The following TMEM38B variants were observed in gnomAD, a reference collection of about 807,000 sequenced individuals.
The protein encoded by TMEM38B is transmembrane protein 38B.
In TMEM38B, 24 loss-of-function variants were observed where a neutral mutation model predicts 28.7. The observed-to-expected ratio is 0.84, with a 90% CI of 0.61 to 1.18. The LOEUF (loss-of-function observed/expected upper bound fraction) is 1.18, where lower values mean the gene tolerates loss of function less well. TMEM38B is among the 50% of genes most tolerant of loss of function. The pLI is 0.00. For missense variants in TMEM38B, 380 were observed against 350.9 expected (o/e 1.08, Z -0.66); for synonymous variants, 131 against 127.7 (o/e 1.03, Z -0.17).
At chr9:105,768,509 A>G (rs542991468) in intron 5 of TMEM38B, among the ~76,000 whole-genome samples, 8 of 152,208 alleles carry the variant, frequency 5.3e-5, no homozygotes, top group South Asian at 2.1e-4. Flanking sequence ...TAAATGTTTG[A>G]TAGATTCACT....
Position 105,695,323 on chromosome 9 carries a change from T to C in TMEM38B, c.112+551T>C, listed in dbSNP as rs181805546. ...TGTACAAGCACTGAAACAAAAAGCC[T>C]CCTGTAGCCAGACCAGGATTCCCCT... On this transcript the variant is annotated intron_variant, in intron 1 of 5. Coordinates refer to ENST00000374692, the MANE Select transcript of TMEM38B (RefSeq NM_018112.3). 5.6e-3 allele frequency among the ~76,000 whole-genome samples: 846 copies of C among 152,274 alleles called. 6 individuals carry two copies. The highest frequency in any genetic ancestry group is 0.014 in the Middle Eastern group (4 of 294).
At chr9:105,694,840 G>A in intron 1 of TMEM38B, 68 bp downstream of exon 1, 1 of 710,510 alleles carries the variant, frequency 1.4e-6, no homozygotes, top group Non-Finnish European at 2.3e-6. Flanking sequence ...TCTAAGTCGG[G>A]TGGGTCGGGT....
At chr9:105,759,682 T>C in intron 5 of TMEM38B, 1 of 1,598,944 alleles carries the variant, frequency 6.3e-7, no homozygotes, top group Non-Finnish European at 8.5e-7. Flanking sequence ...TACTAAACTG[T>C]TTTTAGAGTC....
chr9:105,750,046 A>G (rs1280591944), intron 5 of TMEM38B, among the ~76,000 whole-genome samples: 1 of 152,168 alleles, frequency 6.6e-6, no homozygotes, highest in Non-Finnish European at 1.5e-5. Flanking sequence ...CTTTTTTATT[A>G]TAGCCACCCT....
chr9:105,729,063 G>C (rs1376938287), intron 4 of TMEM38B, among the ~76,000 whole-genome samples: 1 of 152,172 alleles, frequency 6.6e-6, no homozygotes. Flanking sequence ...TGCTTTTGCT[G>C]TGCAGAAGCT....
intron 4 of TMEM38B, among the ~76,000 whole-genome samples, chr9:105,724,165 C>G (rs569166950): frequency 3.3e-5 from 5 of 152,128 alleles, no homozygotes; most frequent in African/African-American, 1.2e-4. Context: ...GTCACAGATA[C>G]GTTTCTCATG....
intron 4 of TMEM38B, among the ~76,000 whole-genome samples, chr9:105,731,721 G>A (rs1340856212): frequency 6.6e-6 from 1 of 152,110 alleles, no homozygotes; most frequent in African/African-American, 2.4e-5. Flanking sequence ...GGATATTTGG[G>A]TTGGTTCCAA....
At chr9:105,731,826 A>T (rs1409169606) in intron 4 of TMEM38B, among the ~76,000 whole-genome samples, 1 of 152,174 alleles carries the variant, frequency 6.6e-6, no homozygotes, top group Non-Finnish European at 1.5e-5. Flanking sequence ...ATACCCAGTA[A>T]TGGGATCGCT....
At chr9:105,735,656 A>G (rs1448997784) in intron 4 of TMEM38B, among the ~76,000 whole-genome samples, 1 of 152,182 alleles carries the variant, frequency 6.6e-6, no homozygotes, top group South Asian at 2.1e-4. Context: ...TCAACTAATG[A>G]TATAATGGAG....
At chr9:105,710,281 A>G (rs1392804272) in intron 2 of TMEM38B, 2 of 636,292 alleles carry the variant, frequency 3.1e-6, no homozygotes, top group Non-Finnish European at 5.8e-6. Flanking sequence ...TATTCCAGCT[A>G]CAGTTTGGTC....
At chr9:105,765,685 G>GT (rs1242385723) in intron 5 of TMEM38B, among the ~76,000 whole-genome samples, 4 of 152,136 alleles carry the variant, frequency 2.6e-5, no homozygotes, top group Non-Finnish European at 1.5e-5. Context: ...CCAGTTATCT[G>GT]TTGATGGGTT....
At chr9:105,707,589 G>C (rs1033255249) in intron 2 of TMEM38B, among the ~76,000 whole-genome samples, 1 of 152,024 alleles carries the variant, frequency 6.6e-6, no homozygotes, top group Non-Finnish European at 1.5e-5. Flanking sequence ...AGTAATCCTG[G>C]GAACCTATGG....
intron 5 of TMEM38B, among the ~76,000 whole-genome samples, chr9:105,769,070 T>TAA (rs1201172110): frequency 1.3e-5 from 2 of 152,166 alleles, no homozygotes; most frequent in African/African-American, 4.8e-5. Context: ...ATAAAATACT[T>TAA]ACAACATATA....
intron 2 of TMEM38B, among the ~76,000 whole-genome samples, chr9:105,720,693 T>G (rs185275574): frequency 2.4e-4 from 37 of 152,234 alleles, no homozygotes; most frequent in African/African-American, 8.7e-4. Context: ...TTAAAAGAGA[T>G]ATGATATTCT....
At position 105,694,551 on chromosome 9, in the gene TMEM38B, C is replaced by A; in HGVS notation, c.-110C>A. ...CCAGGGCGCACGCGCGGAGCTGGAG[C>A]CGGCGCGGAGGAGCGGGCGGCCGCG... On this transcript the variant is annotated 5_prime_UTR_variant, in exon 1 of 6. Transcript: ENST00000374692. 1.4e-6 allele frequency: 1 copy of A among 703,832 alleles called. No homozygotes were observed. Among genetic ancestry groups the A allele is most frequent in the Non-Finnish European group, 2.2e-6 (1 of 450,670 alleles). 43.6% of individuals were successfully genotyped at this position (703,832 alleles called of 1,614,324 possible).
chr9:105,721,207 T>C (rs1442122349), intron 2 of TMEM38B, among the ~76,000 whole-genome samples: 1 of 152,190 alleles, frequency 6.6e-6, no homozygotes. Context: ...TATACATTTG[T>C]TTTGTTACTG....
At position 105,705,753 on chromosome 9, in the gene TMEM38B, G is replaced by A; in HGVS notation, c.269G>A (p.Trp90Ter). ...AACATATTACTGGCATCTTCAATCT[G>A]GTAAGCTGCCAGTATGGTGACCTAT... ...HTNILLASSI[W>*]YITFFCPHDL... Residue 90 changes from tryptophan (W) to a stop codon, truncating the protein, a stop_gained and splice_region_variant, in exon 2 of 6, where the codon TGG (tryptophan) becomes TAG (stop). Coordinates refer to ENST00000374692, the MANE Select transcript of TMEM38B (RefSeq NM_018112.3). LOFTEE classifies it high-confidence loss of function. 6.2e-7 allele frequency: 1 copy of A among 1,611,752 alleles called. No individual in the cohort carries two copies.
At chr9:105,734,899 T>C (rs1836914037) in intron 4 of TMEM38B, among the ~76,000 whole-genome samples, 1 of 151,240 alleles carries the variant, frequency 6.6e-6, no homozygotes, top group Non-Finnish European at 1.5e-5. Flanking sequence ...AACCATTATA[T>C]ATCTTTTTTA....
intron 2 of TMEM38B, among the ~76,000 whole-genome samples, chr9:105,711,056 G>C (rs1835883655): frequency 2.0e-5 from 3 of 152,174 alleles, no homozygotes; most frequent in Admixed American, 2.0e-4. Flanking sequence ...TATTTATAAA[G>C]TTATGCAAAA....
Sources: allele counts gnomAD v4.1 joint callset (sites outside exome capture counted in the v4.1 genomes callset), GRCh38; gene constraint gnomAD v4.1.1; transcripts MANE v1.5; gene names NCBI Gene and HGNC (gene_info 2026-07-23, HGNC 2026-07-21).